Variants in KCNQ1OT1 observed in about 807,000 individuals in gnomAD.
KCNQ1OT1 encodes KCNQ1 antisense RNA 2 (non-protein coding).
rs1004877746 is a variant in KCNQ1OT1 at position 2,609,664 on chromosome 11, C to T, written n.90331G>A. ...TTGTTGAATTGGCTATTTCTCTGTT[C>T]AGTTCTGTCAGTTTTTGCTTCTTAT... On this transcript the variant is annotated non_coding_transcript_exon_variant, in exon 1 of 1. Transcript: ENST00000597346. 46 of 398,194 alleles carry T rather than the reference C, an allele frequency of 1.2e-4. No homozygotes were observed. Among genetic ancestry groups the T allele is most frequent in the Admixed American group, 1.3e-4 (3 of 22,702 alleles). 24.7% of individuals were successfully genotyped at this position (398,194 alleles called of 1,614,324 possible). A position where few individuals can be genotyped will look rare whatever the true frequency, so the allele number is the denominator to read the frequency against.
At chr11:2,689,133 G>T in exon 1 of KCNQ1OT1, 1 of 398,746 alleles carries the variant, frequency 2.5e-6, no homozygotes, top group Non-Finnish European at 4.4e-6. Flanking sequence ...GAAAGCCTGA[G>T]ACCCTAAGGA....
Position 2,652,963 on chromosome 11 carries a change from G to C in KCNQ1OT1, n.47032C>G, listed in dbSNP as rs1398860798. 3 of 398,546 alleles carry C rather than the reference G, an allele frequency of 7.5e-6. No individual in the cohort carries two copies. The highest frequency in any genetic ancestry group is 7.1e-5 in the East Asian group (2 of 28,092). 24.7% of individuals were successfully genotyped at this position (398,546 alleles called of 1,614,324 possible). On this transcript the variant is annotated non_coding_transcript_exon_variant, in exon 1 of 1. Coordinates refer to ENST00000597346, the Ensembl canonical transcript of KCNQ1OT1. The surrounding 1 kb of genome is among the most constrained non-coding windows in gnomAD (Gnocchi z 5.9). Reference sequence around the variant, plus strand: ...CTCCCTGGGACTTCTCAGGATTCCGGAAGTCATCTTTGACTGTGTCACATC... The same window carrying C: ...CTCCCTGGGACTTCTCAGGATTCCGCAAGTCATCTTTGACTGTGTCACATC...
rs1849173989 is a variant in KCNQ1OT1, at chr11:2,621,624, T to C, written n.78371A>G. The stretch of plus-strand genomic sequence containing the variant: ...TTTAATCTTAGCAGGTTGGTTTTTT[T>C]CTAGGAATTTGTCCATTTCCTCTAG... On this transcript the variant is annotated non_coding_transcript_exon_variant, in exon 1 of 1. Transcript: ENST00000597346. The surrounding 1 kb of genome is among the most constrained non-coding windows in gnomAD (Gnocchi z 5.7). 2.5e-6 allele frequency: 1 copy of C among 398,398 alleles called. No individual in the cohort carries two copies. The allele number at this position is 398,398 out of a possible 1,614,324, so 24.7% of individuals were successfully genotyped here. A position where few individuals can be genotyped will look rare whatever the true frequency, so the allele number is the denominator to read the frequency against.
At chr11:2,632,320 C>G (rs1849372693) in exon 1 of KCNQ1OT1, 1 of 397,942 alleles carries the variant, frequency 2.5e-6, no homozygotes, top group African/African-American at 2.1e-5. Flanking sequence ...TATCTATGAA[C>G]AAACATAATT....
chr11:2,621,876 C>T lies in KCNQ1OT1; in HGVS notation n.78119G>A, dbSNP rs1849178285. 1.0e-5 allele frequency: 4 copies of T among 397,940 alleles called. No homozygotes were observed. The highest frequency in any genetic ancestry group is 6.2e-5 in the African/African-American group (3 of 48,532). 24.7% of individuals were successfully genotyped at this position (397,940 alleles called of 1,614,324 possible). ...CCTATGGTTTTTCTTTCTAACTTGT[C>T]TCTGTTCTGATCTTTATTATTTCCT... is the stretch of plus-strand genomic sequence containing the variant. On this transcript the variant is annotated non_coding_transcript_exon_variant, in exon 1 of 1. Coordinates refer to ENST00000597346, the Ensembl canonical transcript of KCNQ1OT1. The surrounding 1 kb of genome is among the most constrained non-coding windows in gnomAD (Gnocchi z 5.7).
chr11:2,650,360 T>C (rs377368203), exon 1 of KCNQ1OT1: 11 of 398,514 alleles, frequency 2.8e-5, no homozygotes, highest in African/African-American at 2.3e-4. Context: ...AGTTGATATC[T>C]GCATATCTGG....
In KCNQ1OT1 at chr11:2,617,989, T is replaced by A. The variant is rs1456721389; in HGVS notation, n.82006A>T. ...TTTTCTTCTAGTCCATAGGTTGCCT[T>A]TTCCTTTTGTTGACTGTTTCCGTTC... is the stretch of plus-strand genomic sequence containing the variant. On this transcript the variant is annotated non_coding_transcript_exon_variant, in exon 1 of 1. Coordinates refer to ENST00000597346, the Ensembl canonical transcript of KCNQ1OT1. The surrounding 1 kb of genome is among the most constrained non-coding windows in gnomAD (Gnocchi z 4.6). The A allele has an allele frequency of 2.5e-5, 10 of 398,504 alleles. No homozygotes were observed. The highest frequency in any genetic ancestry group is 4.4e-5 in the Non-Finnish European group (10 of 226,064). 24.7% of individuals were successfully genotyped at this position (398,504 alleles called of 1,614,324 possible).
In KCNQ1OT1 at chr11:2,612,050, A is replaced by G; in HGVS notation, n.87945T>C. Reference sequence around the variant, plus strand: ...ATGTTTTCTACTCTTAATTACATATATGTTACAACTTAATTACACATACAT... The same window carrying G: ...ATGTTTTCTACTCTTAATTACATATGTGTTACAACTTAATTACACATACAT... On this transcript the variant is annotated non_coding_transcript_exon_variant, in exon 1 of 1. Coordinates refer to ENST00000597346, the Ensembl canonical transcript of KCNQ1OT1. This position sits in a 1 kb window ranked among gnomAD's most constrained non-coding sequence, Gnocchi z 5.5. The G allele has an allele frequency of 2.5e-6, 1 of 398,662 alleles. No homozygotes were observed. Among genetic ancestry groups the G allele is most frequent in the South Asian group, 1.3e-4 (1 of 7,862 alleles). 24.7% of individuals were successfully genotyped at this position (398,662 alleles called of 1,614,324 possible). A position where few individuals can be genotyped will look rare whatever the true frequency, so the allele number is the denominator to read the frequency against.
chr11:2,688,650 T>C (rs1270433069), exon 1 of KCNQ1OT1: 9 of 398,798 alleles, frequency 2.3e-5, no homozygotes, highest in Admixed American at 4.4e-5. Flanking sequence ...CTCCTAAACA[T>C]AGGGCTGCCT....
At chr11:2,694,460 C>T in exon 1 of KCNQ1OT1, 1 of 398,634 alleles carries the variant, frequency 2.5e-6, no homozygotes, top group Non-Finnish European at 4.4e-6. Flanking sequence ...GACAGCCCCT[C>T]ACAACAAAGA....
At chr11:2,649,333 T>G (rs1192167240) in exon 1 of KCNQ1OT1, 3 of 398,436 alleles carry the variant, frequency 7.5e-6, no homozygotes, top group Non-Finnish European at 1.3e-5. Flanking sequence ...GTAGTGATAA[T>G]CTTTTATTCC....
exon 1 of KCNQ1OT1, chr11:2,633,856 C>A: frequency 2.5e-6 from 1 of 398,540 alleles, no homozygotes; most frequent in East Asian, 3.6e-5. Flanking sequence ...CTGTGTAATG[C>A]GCATATACAA....
exon 1 of KCNQ1OT1, chr11:2,666,780 A>G (rs1038402549): frequency 9.3e-5 from 37 of 398,602 alleles, no homozygotes; most frequent in African/African-American, 5.8e-4. Context: ...GCTCCTCACC[A>G]TATTTCTCTC....
chr11:2,615,996 T>C (rs1849057165), exon 1 of KCNQ1OT1: 2 of 398,250 alleles, frequency 5.0e-6, no homozygotes, highest in African/African-American at 2.1e-5. Context: ...TAGCATTTTC[T>C]TCATTGGAAG....
At chr11:2,631,607 G>T (rs775978343) in exon 1 of KCNQ1OT1, 5 of 396,302 alleles carry the variant, frequency 1.3e-5, no homozygotes, top group Non-Finnish European at 2.2e-5. Context: ...GAAAATTATT[G>T]TATTTCTCAG....
chr11:2,628,450 T>C (rs374094615), exon 1 of KCNQ1OT1: 1 of 398,512 alleles, frequency 2.5e-6, no homozygotes, highest in East Asian at 3.6e-5. Flanking sequence ...AATAAATGTC[T>C]ATTCAGTCCC....
rs921394515 is a variant in KCNQ1OT1, at chr11:2,628,920, A to C, written n.71075T>G. On this transcript the variant is annotated non_coding_transcript_exon_variant, in exon 1 of 1. Transcript: ENST00000597346. ...TGGTGTCTTTGTCAAAGATTAGTTGACCATAAATGTGTGGGTTTATTTCTA... is the reference window on the plus strand; with the variant it reads ...TGGTGTCTTTGTCAAAGATTAGTTGCCCATAAATGTGTGGGTTTATTTCTA... 8.5e-5 allele frequency: 34 copies of C among 398,214 alleles called. No individual in the cohort carries two copies. The East Asian group carries it at 1.0e-3, about 12-fold the overall frequency. The allele number at this position is 398,214 out of a possible 1,614,324, so 24.7% of individuals were successfully genotyped here.
exon 1 of KCNQ1OT1, chr11:2,618,870 A>G (rs1849116384): frequency 2.5e-6 from 1 of 398,308 alleles, no homozygotes; most frequent in Non-Finnish European, 4.4e-6. Flanking sequence ...AATGATTCAT[A>G]GTTTTCAGTG....
At chr11:2,662,004 C>T in exon 1 of KCNQ1OT1, 4 of 1,614,236 alleles carry the variant, frequency 2.5e-6, no homozygotes, top group Non-Finnish European at 3.4e-6. Flanking sequence ...TGCCCCATTT[C>T]ATGAGAACCA....
Sources: gnomAD v4.1 joint callset for allele counts on GRCh38, gnomAD v4.1.1 for gene constraint, Gnocchi (gnomAD v3.1) non-coding constraint, MANE v1.5 for transcripts, NCBI Gene and HGNC (gene_info 2026-07-23, HGNC 2026-07-21) for gene names.